The following CEP170 variants were observed in gnomAD, a reference collection of about 807,000 sequenced individuals.
CEP170 encodes the protein centrosomal protein of 170 kDa.
Under a neutral mutation model 151.9 loss-of-function variants are expected in CEP170, and 21 were observed. That is an observed-to-expected ratio of 0.14 (90% CI 0.10 to 0.20). The LOEUF (loss-of-function observed/expected upper bound fraction) is 0.20, where lower values mean the gene tolerates loss of function less well. Ranked by LOEUF, CEP170 falls within the 10% of genes least tolerant of loss-of-function variation. The pLI, the probability that CEP170 is intolerant of heterozygous loss-of-function variation, is 1.00. For synonymous variants in CEP170, 356 were observed against 648.8 expected (o/e 0.55, Z 6.86); for missense variants, 964 against 1,892.9 (o/e 0.51, Z 9.11).
In CEP170 at chr1:243,216,254, A is replaced by C. The variant is rs919170097; in HGVS notation, c.196-4290T>G. Among the ~76,000 whole-genome samples the C allele has an allele frequency of 5.9e-5, 9 of 152,256 alleles. 1 individual carries two copies. The East Asian group carries it at 9.6e-4, about 16-fold the overall frequency. ...TTTAGGGTACATGTGCACAATGTGC[A>C]GGTTAGTTACATATGTATACATGTG... On this transcript the variant is annotated intron_variant, in intron 3 of 19. Transcript: ENST00000366542.
chr1:243,195,887 A>G (rs2060616624), intron 7 of CEP170, among the ~76,000 whole-genome samples: 1 of 151,944 alleles, frequency 6.6e-6, no homozygotes, highest in African/African-American at 2.4e-5. Flanking sequence ...ATAAGAAAGC[A>G]AGTGAGAGTC....
intron 12 of CEP170, 127 bp downstream of exon 12, chr1:243,169,501 T>C: frequency 1.4e-6 from 2 of 1,478,014 alleles, no homozygotes; most frequent in East Asian, 2.5e-5. Context: ...TATATAGATT[T>C]GGCTTGTTTT....
chr1:243,231,525 A>T (rs1258025032), intron 1 of CEP170, among the ~76,000 whole-genome samples: 1 of 152,192 alleles, frequency 6.6e-6, no homozygotes, highest in Non-Finnish European at 1.5e-5. Context: ...GAAAGTATAA[A>T]GGTGTAATTT....
At chr1:243,219,464 T>C (rs1329537327) in intron 3 of CEP170, among the ~76,000 whole-genome samples, 1 of 152,224 alleles carries the variant, frequency 6.6e-6, no homozygotes, top group African/African-American at 2.4e-5. Context: ...CTCCATGAGT[T>C]AGTATCTTTC....
chr1:243,183,668 A>G (rs1359410338), intron 10 of CEP170, among the ~76,000 whole-genome samples: 2 of 152,102 alleles, frequency 1.3e-5, no homozygotes, highest in Non-Finnish European at 2.9e-5. Flanking sequence ...TAATGTAGTG[A>G]GCTTTGTTCT....
intron 8 of CEP170, among the ~76,000 whole-genome samples, chr1:243,187,307 T>A (rs1448601121): frequency 1.3e-5 from 2 of 152,200 alleles, no homozygotes; most frequent in Non-Finnish European, 2.9e-5. Flanking sequence ...TTCTGTTAGG[T>A]TTTGGATGTG....
intron 11 of CEP170, among the ~76,000 whole-genome samples, chr1:243,172,248 C>T (rs552826731): frequency 1.3e-5 from 2 of 152,148 alleles, no homozygotes; most frequent in Non-Finnish European, 2.9e-5. Flanking sequence ...TTGCTTTAGG[C>T]TTTCATTAGA....
chr1:243,242,995 C>T (rs996113735), intron 1 of CEP170, among the ~76,000 whole-genome samples: 7 of 152,222 alleles, frequency 4.6e-5, no homozygotes, highest in East Asian at 1.9e-4. Flanking sequence ...CCACTGCGCC[C>T]GGTCCTAAAT....
At chr1:243,152,521 ATTTTTTTTTTTTTTTTT>A (rs371392454) in intron 14 of CEP170, among the ~76,000 whole-genome samples, 2 of 54,934 alleles carry the variant, frequency 3.6e-5, no homozygotes, top group South Asian at 1.0e-3. Flanking sequence ...GCGCCCAGCC[ATTTTTTTTTTTTTTTTT>A]TTTTTTTTTT....
chr1:243,124,625 T>C lies in CEP170; in HGVS notation c.*1824A>G, dbSNP rs564903068. On this transcript the variant is annotated 3_prime_UTR_variant, in exon 20 of 20. Coordinates refer to ENST00000366542, the MANE Select transcript of CEP170 (RefSeq NM_014812.3). ...ACAAGAATGTAAGCAGAGTAGATTCTAGTATTTTCCTAAACTCCTTACCTT... is the reference window on the plus strand; with the variant it reads ...ACAAGAATGTAAGCAGAGTAGATTCCAGTATTTTCCTAAACTCCTTACCTT... The C allele has an allele frequency of 3.1e-4, 48 of 152,668 alleles. No homozygotes were observed. Among genetic ancestry groups the C allele is most frequent in the Non-Finnish European group, 6.3e-4 (43 of 67,966 alleles). The allele number at this position is 152,668 out of a possible 1,614,324, so 9.5% of individuals were successfully genotyped here.
In CEP170 at chr1:243,132,163, T is replaced by G. The variant is rs148770696; in HGVS notation, c.4320-2710A>C. Among the ~76,000 whole-genome samples, 1,420 of 152,264 alleles carry G rather than the reference T, an allele frequency of 9.3e-3. 31 individuals are homozygous for G. Among genetic ancestry groups the G allele is most frequent in the African/African-American group, 0.033 (1,354 of 41,526 alleles). On this transcript the variant is annotated intron_variant, in intron 17 of 19. Transcript: ENST00000366542. ...CCCAGTAGACATTTGAGGTTATAAC[T>G]CCTGACACAAAGCTTAAAGACCAGT...
chr1:243,165,180 T>C lies in CEP170; in HGVS notation c.2780A>G (p.Asn927Ser). 6.2e-7 allele frequency: 1 copy of C among 1,613,738 alleles called. No individual in the cohort carries two copies. Among genetic ancestry groups the C allele is most frequent in the Non-Finnish European group, 8.5e-7 (1 of 1,179,712 alleles). ...TACATCAGATTCTGGTGAAATAGAA[T>C]TGTCTCTATTATAACTGGGAGTATC... is the stretch of plus-strand genomic sequence containing the variant. Reference protein sequence around the residue: ...GPDTPSYNRDNSISPESDVDT... With the variant: ...GPDTPSYNRDSSISPESDVDT... The change falls in exon 13 of 20, where the codon AAT becomes AGT. Residue 927 changes from asparagine to serine, a missense_variant. Asn to Ser is a conservative substitution (Grantham distance 46, BLOSUM62 1). Coordinates refer to ENST00000366542, the MANE Select transcript of CEP170 (RefSeq NM_014812.3).
chr1:243,136,688 A>T (rs546618477), intron 16 of CEP170, among the ~76,000 whole-genome samples: 1 of 152,394 alleles, frequency 6.6e-6, no homozygotes, highest in East Asian at 1.9e-4. Context: ...GGAAAGATAC[A>T]TTTTGAAAAA....
At chr1:243,217,568 T>C (rs1382104999) in intron 3 of CEP170, among the ~76,000 whole-genome samples, 3 of 152,036 alleles carry the variant, frequency 2.0e-5, no homozygotes, top group African/African-American at 7.2e-5. Flanking sequence ...TTCCCTAAAG[T>C]CTAAAAAGGC....
intron 12 of CEP170, chr1:243,169,097 T>C (rs1172791405): frequency 6.5e-6 from 1 of 154,756 alleles, no homozygotes; most frequent in Non-Finnish European, 1.4e-5. Context: ...GTTAAGTTTA[T>C]ACTTGAATAA....
chr1:243,142,599 TTGATAATCAGTC>T (rs1364093017), intron 14 of CEP170, 136 bp from the exon 15 acceptor site: 1 of 613,712 alleles, frequency 1.6e-6, no homozygotes, highest in Non-Finnish European at 2.9e-6. Flanking sequence ...ATTAACTATT[TTGATAATCAGTC>T]TTAAACCTTA....
chr1:243,177,544 G>A (rs2059332358), intron 10 of CEP170, among the ~76,000 whole-genome samples: 1 of 152,202 alleles, frequency 6.6e-6, no homozygotes, highest in Admixed American at 6.5e-5. Flanking sequence ...TCTTGGGTAA[G>A]GAGAGCAGGG....
intron 15 of CEP170, among the ~76,000 whole-genome samples, chr1:243,142,023 T>C (rs1477492250): frequency 6.6e-6 from 1 of 152,212 alleles, no homozygotes; most frequent in Non-Finnish European, 1.5e-5. Flanking sequence ...GGGTTGCTTT[T>C]CAAAATACCA....
At position 243,172,701 on chromosome 1, in the gene CEP170, G is replaced by A. The variant is rs773486228; in HGVS notation, c.1712C>T (p.Ser571Leu). 1.3e-6 allele frequency: 2 copies of A among 1,591,420 alleles called. No individual in the cohort carries two copies. The highest frequency in any genetic ancestry group is 1.7e-6 in the Non-Finnish European group (2 of 1,169,298). The change falls in exon 11 of 20, where the codon TCA (serine) becomes TTA (leucine). Residue 571 changes from serine to leucine, a missense_variant. Ser to Leu is a moderately radical substitution (Grantham distance 145, BLOSUM62 -2). Transcript: ENST00000366542. ...GTACACAGAAGAGATGTATACCTCT[G>A]AGTGGTGAAATCCAGATGTAGTCAG... is the stretch of plus-strand genomic sequence containing the variant. ...KPLTTSGFHH[S>L]EEGTSSSGSK...
Sources: gnomAD v4.1 joint callset for allele counts (sites outside exome capture counted in the v4.1 genomes callset) on GRCh38, gnomAD v4.1.1 for gene constraint, MANE v1.5 for transcripts, NCBI Gene and HGNC (gene_info 2026-07-23, HGNC 2026-07-21) for gene names.